Variants in CSMD2 observed in about 807,000 individuals in gnomAD.
CSMD2 encodes the protein CUB and sushi domain-containing protein 2.
Under a neutral mutation model 398.5 loss-of-function variants are expected in CSMD2, and 130 were observed. That is an observed-to-expected ratio of 0.33 (90% CI 0.28 to 0.38). CSMD2 has a LOEUF of 0.38. Ranked by LOEUF, CSMD2 falls within the 10% of genes least tolerant of loss-of-function variation. The pLI is 1.00. For synonymous variants in CSMD2, 1,828 were observed against 1,908.5 expected, an observed-to-expected ratio of 0.96 and a Z score of 1.10; for missense variants, 3,829 against 4,764.9, an observed-to-expected ratio of 0.80 and a Z score of 5.78.
intron 25 of CSMD2, among the ~76,000 whole-genome samples, chr1:33,673,229 T>C (rs1278213841): frequency 2.0e-5 from 3 of 152,118 alleles, no homozygotes; most frequent in Admixed American, 1.3e-4. Context: ...ATTAGACGAA[T>C]GGCTAACTAG....
At chr1:33,526,565 C>G (rs1035662621) in intron 65 of CSMD2, among the ~76,000 whole-genome samples, 1 of 152,196 alleles carries the variant, frequency 6.6e-6, no homozygotes, top group Non-Finnish European at 1.5e-5. Context: ...TTCTCTATGG[C>G]AATTATTATG....
At chr1:34,150,066 A>AT (rs779547354) in intron 1 of CSMD2, among the ~76,000 whole-genome samples, 93 of 141,240 alleles carry the variant, frequency 6.6e-4, no homozygotes, top group Non-Finnish European at 1.3e-3. Flanking sequence ...GGAAATCTAC[A>AT]TTTTTCTTCT....
At chr1:33,698,244 G>A (rs1645487681) in intron 24 of CSMD2, among the ~76,000 whole-genome samples, 1 of 152,192 alleles carries the variant, frequency 6.6e-6, no homozygotes, top group African/African-American at 2.4e-5. Context: ...GTTCATTATT[G>A]CATTCTTTAT....
chr1:34,156,776 T>C (rs1361831168), intron 1 of CSMD2, among the ~76,000 whole-genome samples: 2 of 152,168 alleles, frequency 1.3e-5, no homozygotes, highest in Non-Finnish European at 2.9e-5. Context: ...ATACATTATT[T>C]TTAGCATCAT....
intron 51 of CSMD2, 92 bp from the exon 52 acceptor site, chr1:33,569,639 T>C: frequency 1.6e-6 from 2 of 1,281,208 alleles, no homozygotes; most frequent in Non-Finnish European, 2.2e-6. Context: ...AAATAAGACC[T>C]GTTTAACCTT....
Position 33,694,067 on chromosome 1 carries a change from T to TAAC in CSMD2, c.3926-1014_3926-1012dup, listed in dbSNP as rs141431949. On this transcript the variant is annotated intron_variant, in intron 24 of 70. Transcript: ENST00000373381. ...AATGCGAAACTCCATCTCAAAACAATAACAACAACAACAACAACAACAAGG... is the reference window on the plus strand; with the variant it reads ...AATGCGAAACTCCATCTCAAAACAATAACAACAACAACAACAACAACAACAAGG... 6.2e-4 allele frequency among the ~76,000 whole-genome samples: 94 copies of TAAC among 151,560 alleles called. 1 individual carries two copies. Among genetic ancestry groups the TAAC allele is most frequent in the South Asian group, 1.0e-3 (5 of 4,780 alleles).
chr1:33,817,053 G>C (rs1273221881), intron 9 of CSMD2, among the ~76,000 whole-genome samples: 1 of 152,070 alleles, frequency 6.6e-6, no homozygotes, highest in African/African-American at 2.4e-5. Flanking sequence ...TCTTAAGGTG[G>C]GGTTCACCTA....
At chr1:33,957,402 T>C (rs1425185650) in intron 3 of CSMD2, among the ~76,000 whole-genome samples, 2 of 152,146 alleles carry the variant, frequency 1.3e-5, no homozygotes, top group Non-Finnish European at 2.9e-5. Flanking sequence ...ATTATCATCA[T>C]TGTCATCATA....
rs185433192 is a variant in CSMD2 at position 33,763,445 on chromosome 1, G to A, written c.1846+9124C>T. The stretch of plus-strand genomic sequence containing the variant: ...ATTTTGTATTTTAAAAGGCCTATGA[G>A]TGATTCTAATGGTTAGCTGGGTTTG... On this transcript the variant is annotated intron_variant, in intron 13 of 70. Transcript: ENST00000373381. Among the ~76,000 whole-genome samples, 37 of 152,318 alleles carry A rather than the reference G, an allele frequency of 2.4e-4. No homozygotes were observed. The East Asian group carries it at 6.6e-3, about 27-fold the overall frequency.
At chr1:33,700,981 C>T (rs928583243) in intron 22 of CSMD2, among the ~76,000 whole-genome samples, 5 of 152,200 alleles carry the variant, frequency 3.3e-5, no homozygotes, top group Non-Finnish European at 7.3e-5. Flanking sequence ...CATATAGCAC[C>T]AGCTTACTCT....
chr1:33,880,927 A>G (rs542619884), intron 5 of CSMD2, among the ~76,000 whole-genome samples: 201 of 152,340 alleles, frequency 1.3e-3, no homozygotes, highest in African/African-American at 4.6e-3. Context: ...TCACCCTGAA[A>G]CAAGGAGAAA....
chr1:33,837,361 G>T (rs918278976), intron 6 of CSMD2, among the ~76,000 whole-genome samples: 1 of 151,508 alleles, frequency 6.6e-6, no homozygotes, highest in African/African-American at 2.4e-5. Flanking sequence ...GAATTTCTGG[G>T]ATATATTCAT....
Position 33,716,434 on chromosome 1 carries a change from G to A in CSMD2, c.3069C>T (p.Asn1023=), listed in dbSNP as rs538938670. 64 of 1,614,016 alleles carry A rather than the reference G, an allele frequency of 4.0e-5. 3 individuals are homozygous for A. The highest frequency in any genetic ancestry group is 3.2e-4 in the South Asian group (29 of 91,064). ...GCCTCAGGGGCTGGGTGAAGCTGCC[G>A]TTCTCAGTGATGAGGAGGTAGTCAT... ...SGHDYLLITE[N]GSFTQPLRQL... Residue 1023 remains asparagine (N), a synonymous_variant, in exon 20 of 71, where the codon AAC becomes AAT. Transcript: ENST00000373381.
At chr1:33,800,059 G>A (rs973252496) in intron 10 of CSMD2, among the ~76,000 whole-genome samples, 6 of 152,212 alleles carry the variant, frequency 3.9e-5, no homozygotes. Context: ...TAGAGGCCCT[G>A]CCACAATGCT....
chr1:33,549,264 G>A (rs1220210089), intron 56 of CSMD2, among the ~76,000 whole-genome samples: 1 of 152,158 alleles, frequency 6.6e-6, no homozygotes, highest in Non-Finnish European at 1.5e-5. Flanking sequence ...TCCTCTGAAG[G>A]GATCTGGCAT....
At chr1:33,943,638 G>A (rs867182418) in intron 3 of CSMD2, among the ~76,000 whole-genome samples, 3 of 151,976 alleles carry the variant, frequency 2.0e-5, no homozygotes, top group South Asian at 2.1e-4. Flanking sequence ...GTTTCCTTGC[G>A]CTTCAATTCC....
chr1:34,015,437 G>A (rs1214226305), intron 3 of CSMD2, among the ~76,000 whole-genome samples: 1 of 152,184 alleles, frequency 6.6e-6, no homozygotes, highest in Non-Finnish European at 1.5e-5. Flanking sequence ...TCTCTTCCCT[G>A]CCTCCAGAAG....
At chr1:34,064,030 A>T (rs929220730) in intron 2 of CSMD2, among the ~76,000 whole-genome samples, 1 of 152,116 alleles carries the variant, frequency 6.6e-6, no homozygotes, top group Non-Finnish European at 1.5e-5. Flanking sequence ...AGTGGCTGGG[A>T]CACAGGGCAC....
intron 4 of CSMD2, among the ~76,000 whole-genome samples, chr1:33,920,542 CAAAAAAAAA>C (rs58865984): frequency 1.9e-4 from 16 of 84,242 alleles, no homozygotes; most frequent in African/African-American, 5.2e-4. Flanking sequence ...CAATCTGTCT[CAAAAAAAAA>C]AAAAAAAAAA....
Sources: allele counts gnomAD v4.1 joint callset (sites outside exome capture counted in the v4.1 genomes callset), GRCh38; gene constraint gnomAD v4.1.1; transcripts MANE v1.5; gene names NCBI Gene and HGNC (gene_info 2026-07-23, HGNC 2026-07-21).